PTPRD: variants seen among roughly 807,000 people sequenced by gnomAD.
PTPRD encodes protein tyrosine phosphatase receptor type D, also known as receptor-type tyrosine-protein phosphatase delta.
PTPRD carries 34 observed loss-of-function variants against 214.5 expected under a neutral mutation model. That is an observed-to-expected ratio of 0.16 (90% CI 0.12 to 0.21). The LOEUF is 0.21. Ranked by LOEUF, PTPRD falls within the 10% of genes least tolerant of loss-of-function variation. The pLI is 1.00. For missense variants in PTPRD, 2,545 were observed against 2,398.7 expected (o/e 1.06, Z -1.27); for synonymous variants, 1,128 against 845.7 (o/e 1.33, Z -5.79).
chr9:9,825,900 T>C (rs1242301633), intron 5 of PTPRD, among the ~76,000 whole-genome samples: 3 of 151,756 alleles, frequency 2.0e-5, no homozygotes, highest in African/African-American at 4.8e-5. Context: ...TTATTCTTTT[T>C]TCTTTAAGAT....
chr9:8,328,492 G>A (rs185048326), intron 44 of PTPRD, among the ~76,000 whole-genome samples: 301 of 152,082 alleles, frequency 2.0e-3, no homozygotes, highest in Non-Finnish European at 3.5e-3. Flanking sequence ...ATGATTCATT[G>A]TGTGTCTTGG....
chr9:9,849,166 C>G (rs904976899), intron 5 of PTPRD, among the ~76,000 whole-genome samples: 3 of 151,830 alleles, frequency 2.0e-5, no homozygotes, highest in East Asian at 1.9e-4. Context: ...GTAAAGGAAA[C>G]AGTTATTGGG....
chr9:9,336,290 A>G (rs1181692834), intron 9 of PTPRD, among the ~76,000 whole-genome samples: 1 of 152,164 alleles, frequency 6.6e-6, no homozygotes, highest in Admixed American at 6.6e-5. Context: ...TCATACAGAT[A>G]AAAGAATGAT....
chr9:9,051,142 C>T (rs909401964), intron 10 of PTPRD, among the ~76,000 whole-genome samples: 3 of 151,858 alleles, frequency 2.0e-5, no homozygotes, highest in Admixed American at 6.6e-5. Flanking sequence ...CTATATTTAA[C>T]AATATAAGTG....
intron 11 of PTPRD, among the ~76,000 whole-genome samples, chr9:8,780,535 G>A (rs71490300): frequency 3.9e-5 from 6 of 152,168 alleles, no homozygotes; most frequent in Non-Finnish European, 8.8e-5. Context: ...TACCGGAGAA[G>A]TCTAACAAAA....
At chr9:9,947,587 TATATATATAATATATATA>T (rs2092933026) in intron 4 of PTPRD, among the ~76,000 whole-genome samples, 1 of 49,772 alleles carries the variant, frequency 2.0e-5, no homozygotes, top group African/African-American at 1.2e-4. Context: ...ATATATATAT[TATATATATAATATATATA>T]TTTTATATAT....
At chr9:9,429,554 G>T (rs917626381) in intron 8 of PTPRD, among the ~76,000 whole-genome samples, 13 of 152,252 alleles carry the variant, frequency 8.5e-5, no homozygotes, top group Admixed American at 5.9e-4. Flanking sequence ...CATTTTATGA[G>T]GCCAGCATCA....
At chr9:9,617,538 T>C (rs1376860392) in intron 7 of PTPRD, among the ~76,000 whole-genome samples, 1 of 152,148 alleles carries the variant, frequency 6.6e-6, no homozygotes, top group East Asian at 1.9e-4. Context: ...TCCTGATGGC[T>C]GAGCAGGTAT....
intron 5 of PTPRD, among the ~76,000 whole-genome samples, chr9:9,776,982 A>C (rs995839595): frequency 1.3e-5 from 2 of 152,216 alleles, no homozygotes; most frequent in Non-Finnish European, 2.9e-5. Context: ...ATTTACTAAA[A>C]ATACCTTTTA....
At chr9:9,964,329 G>C (rs536488938) in intron 4 of PTPRD, among the ~76,000 whole-genome samples, 18 of 152,274 alleles carry the variant, frequency 1.2e-4, no homozygotes, top group African/African-American at 3.9e-4. Flanking sequence ...TAAAATGCAT[G>C]ATGTATTTTG....
At chr9:10,324,743 T>G (rs2154430267) in intron 3 of PTPRD, among the ~76,000 whole-genome samples, 1 of 152,190 alleles carries the variant, frequency 6.6e-6, no homozygotes, top group South Asian at 2.1e-4. Context: ...ATAACCATTA[T>G]TAGATTTTGA....
rs2052063646 is a variant in PTPRD at position 10,521,013 on chromosome 9, T to C, written c.-600+91385A>G. Among the ~76,000 whole-genome samples the C allele has an allele frequency of 3.3e-5, 5 of 151,878 alleles. No homozygotes were observed. The South Asian group carries it at 1.0e-3, about 32-fold the overall frequency. Reference sequence around the variant, plus strand: ...GCCTATGGATCAAGGAGTAAATTTTTACTTTCAAGTCATTATTTTAGAAAT... The same window carrying C: ...GCCTATGGATCAAGGAGTAAATTTTCACTTTCAAGTCATTATTTTAGAAAT... On this transcript the variant is annotated intron_variant, in intron 2 of 45. Transcript: ENST00000381196.
chr9:8,357,450 C>G (rs1400083642), intron 39 of PTPRD, among the ~76,000 whole-genome samples: 1 of 152,170 alleles, frequency 6.6e-6, no homozygotes, highest in Admixed American at 6.5e-5. Flanking sequence ...CCTTACTGGA[C>G]TGGAACCCCT....
intron 10 of PTPRD, among the ~76,000 whole-genome samples, chr9:9,177,462 G>A (rs1490151171): frequency 6.6e-6 from 1 of 152,062 alleles, no homozygotes; most frequent in Non-Finnish European, 1.5e-5. Flanking sequence ...TAAAACTAGT[G>A]TGAAAAATTT....
At chr9:10,274,988 G>T (rs1030567606) in intron 3 of PTPRD, among the ~76,000 whole-genome samples, 4 of 152,032 alleles carry the variant, frequency 2.6e-5, no homozygotes, top group South Asian at 2.1e-4. Context: ...CATGTAACTA[G>T]GTATTGCATA....
intron 10 of PTPRD, among the ~76,000 whole-genome samples, chr9:9,168,662 C>T (rs1248327020): frequency 6.6e-6 from 1 of 152,024 alleles, no homozygotes; most frequent in African/African-American, 2.4e-5. Context: ...GACACCACCA[C>T]ATATTTGTTC....
intron 9 of PTPRD, among the ~76,000 whole-genome samples, chr9:9,195,797 A>T (rs1463027306): frequency 6.6e-6 from 1 of 152,054 alleles, no homozygotes; most frequent in Non-Finnish European, 1.5e-5. Context: ...TTAAGGATTG[A>T]AACAGCTACA....
At position 9,548,411 on chromosome 9, in the gene PTPRD, T is replaced by C. The variant is rs192562851; in HGVS notation, c.-237+26321A>G. The stretch of plus-strand genomic sequence containing the variant: ...CGTATATGTGACTTTTTTTCTTTTT[T>C]TTTTTTTTTTTTTTAAGACGGAGTC... On this transcript the variant is annotated intron_variant, in intron 8 of 45. Transcript: ENST00000381196. 2.8e-3 allele frequency among the ~76,000 whole-genome samples: 413 copies of C among 148,650 alleles called. 2 individuals are homozygous for C. Among genetic ancestry groups the C allele is most frequent in the African/African-American group, 7.7e-3 (313 of 40,832 alleles).
chr9:10,222,189 G>C (rs1204086754), intron 3 of PTPRD, among the ~76,000 whole-genome samples: 2 of 152,008 alleles, frequency 1.3e-5, no homozygotes, highest in Non-Finnish European at 2.9e-5. Context: ...TTTTAACTCA[G>C]ACTTTTTCCT....
Sources: allele counts gnomAD v4.1 joint callset (sites outside exome capture counted in the v4.1 genomes callset), GRCh38; gene constraint gnomAD v4.1.1; transcripts MANE v1.5; gene names NCBI Gene and HGNC (gene_info 2026-07-23, HGNC 2026-07-21).